KLHL3: variants seen among roughly 807,000 people sequenced by gnomAD.
KLHL3 encodes kelch like family member 3, also known as kelch-like protein 3.
A neutral mutation model predicts 70.5 loss-of-function variants in KLHL3; 19 were observed. That is an observed-to-expected ratio of 0.27 (90% CI 0.19 to 0.40). The LOEUF (loss-of-function observed/expected upper bound fraction) is 0.40. KLHL3 is among the 10% of genes least tolerant of loss of function. The probability of loss-of-function intolerance (pLI) is 1.00; values close to 1 mark genes in which losing one functional copy is unlikely to be tolerated. For synonymous variants in KLHL3, 258 were observed against 290.3 expected (o/e 0.89, Z 1.13); for missense variants, 512 against 771.1 (o/e 0.66, Z 3.98).
Position 137,637,298 on chromosome 5 carries a change from C to T in KLHL3, c.1317G>A (p.Val439=). 1 of 1,614,046 alleles carries T rather than the reference C, an allele frequency of 6.2e-7. No homozygotes were observed. The highest frequency in any genetic ancestry group is 1.1e-5 in the South Asian group (1 of 91,074). Residue 439 remains valine, a synonymous_variant, in exon 11 of 15, where the codon GTG becomes GTA. Transcript: ENST00000309755. ...TRRSSVGVGV[V]EGKLYAVGGY... ...TGGCCACTGCCGCCTCCTTACCCTC[C>T]ACAACGCCCACACCCACACTGCTCC...
intron 14 of KLHL3, among the ~76,000 whole-genome samples, chr5:137,622,668 T>C (rs1320415102): frequency 6.6e-6 from 1 of 152,204 alleles, no homozygotes; most frequent in Non-Finnish European, 1.5e-5. Context: ...CCCACACAAA[T>C]GTCATCTAAG....
chr5:137,712,021 G>A (rs1315241680), intron 2 of KLHL3, among the ~76,000 whole-genome samples: 3 of 151,466 alleles, frequency 2.0e-5, no homozygotes, highest in African/African-American at 7.3e-5. Context: ...AGCCCGGTGT[G>A]GTGGCAGATG....
rs1753250627 is a variant in KLHL3, at chr5:137,735,720, C to T, written c.-74G>A. Reference sequence around the variant, plus strand: ...GGGGATCCTAGTTCTGTTCTTGATTCTCCCAGCAGACCAGTGGGAAATCTG... The same window carrying T: ...GGGGATCCTAGTTCTGTTCTTGATTTTCCCAGCAGACCAGTGGGAAATCTG... On this transcript the variant is annotated 5_prime_UTR_variant, in exon 1 of 15. Coordinates refer to ENST00000309755, the MANE Select transcript of KLHL3 (RefSeq NM_017415.3). 2 of 1,610,236 alleles carry T rather than the reference C, an allele frequency of 1.2e-6. No individual in the cohort carries two copies. The highest frequency in any genetic ancestry group is 1.7e-5 in the Admixed American group (1 of 60,008).
intron 5 of KLHL3, 126 bp downstream of exon 5, chr5:137,692,159 T>A: frequency 1.3e-6 from 1 of 787,124 alleles, no homozygotes; most frequent in South Asian, 1.9e-5. Flanking sequence ...TCCACCTGTA[T>A]CCCTAACTAA....
chr5:137,643,697 T>C (rs1182171437), intron 8 of KLHL3, among the ~76,000 whole-genome samples: 1 of 152,214 alleles, frequency 6.6e-6, no homozygotes, highest in African/African-American at 2.4e-5. Context: ...GTAATCAGCA[T>C]ACCCACCATC....
chr5:137,664,792 C>T (rs112149509), intron 6 of KLHL3, among the ~76,000 whole-genome samples: 6,028 of 151,780 alleles, frequency 0.04, 160 homozygotes, highest in Non-Finnish European at 0.061. Context: ...CACTCCAGCC[C>T]GGGCAACACA....
At chr5:137,642,936 G>T (rs1433252317) in intron 8 of KLHL3, among the ~76,000 whole-genome samples, 1 of 151,740 alleles carries the variant, frequency 6.6e-6, no homozygotes, top group African/African-American at 2.4e-5. Flanking sequence ...CACCAGGGAA[G>T]TAGAGGGTAC....
intron 1 of KLHL3, among the ~76,000 whole-genome samples, chr5:137,725,894 C>A (rs1160553086): frequency 1.3e-5 from 2 of 152,222 alleles, no homozygotes; most frequent in Non-Finnish European, 2.9e-5. Flanking sequence ...CAGATACCCA[C>A]TGACCCCATT....
chr5:137,686,418 C>T (rs78841488), intron 5 of KLHL3, among the ~76,000 whole-genome samples: 4 of 152,228 alleles, frequency 2.6e-5, no homozygotes, highest in Non-Finnish European at 4.4e-5. Context: ...GGATAGGATG[C>T]GCTACTCCCA....
rs886229392 is a variant in KLHL3 at position 137,735,920 on chromosome 5, C to T, written c.-274G>A. 3.8e-6 allele frequency: 2 copies of T among 520,982 alleles called. No individual in the cohort carries two copies. Among genetic ancestry groups the T allele is most frequent in the Non-Finnish European group, 7.0e-6 (2 of 284,786 alleles). 32.3% of individuals were successfully genotyped at this position (520,982 alleles called of 1,614,324 possible). Reference sequence around the variant, plus strand: ...TAAAAGCAGCAACCCACTTGCTCCCCCTCCCCCGCAGGCTTGCTGCTCCTT... The same window carrying T: ...TAAAAGCAGCAACCCACTTGCTCCCTCTCCCCCGCAGGCTTGCTGCTCCTT... On this transcript the variant is annotated 5_prime_UTR_variant, in exon 1 of 15. Coordinates refer to ENST00000309755, the MANE Select transcript of KLHL3 (RefSeq NM_017415.3).
intron 5 of KLHL3, among the ~76,000 whole-genome samples, chr5:137,690,972 AT>A (rs1366142728): frequency 6.6e-6 from 1 of 152,226 alleles, no homozygotes; most frequent in East Asian, 1.9e-4. Context: ...TTTCCTAGTC[AT>A]TCACCATCTT....
chr5:137,685,799 C>G (rs1752148308), intron 5 of KLHL3, among the ~76,000 whole-genome samples: 1 of 152,140 alleles, frequency 6.6e-6, no homozygotes, highest in African/African-American at 2.4e-5. Flanking sequence ...GTAGCTGGGA[C>G]TATAGGCACC....
At chr5:137,692,041 G>A (rs191367687) in intron 5 of KLHL3, among the ~76,000 whole-genome samples, 2 of 152,286 alleles carry the variant, frequency 1.3e-5, no homozygotes, top group Admixed American at 1.3e-4. Flanking sequence ...AAATCTTCTT[G>A]GATCTCCTTC....
chr5:137,649,437 A>G (rs1400607547), intron 8 of KLHL3, among the ~76,000 whole-genome samples: 1 of 152,228 alleles, frequency 6.6e-6, no homozygotes, highest in Non-Finnish European at 1.5e-5. Flanking sequence ...GGCAAGAAAC[A>G]GGCCTGCCAG....
chr5:137,626,865 G>A (rs140233587), intron 13 of KLHL3, among the ~76,000 whole-genome samples: 11 of 152,178 alleles, frequency 7.2e-5, no homozygotes, highest in Non-Finnish European at 1.3e-4. Flanking sequence ...TTAGCCAGGC[G>A]TGATGGCGCA....
chr5:137,700,497 G>C (rs1752544500), intron 3 of KLHL3, among the ~76,000 whole-genome samples: 1 of 152,106 alleles, frequency 6.6e-6, no homozygotes, highest in Admixed American at 6.5e-5. Context: ...TTGTAACTTT[G>C]GGGTAAATAA....
chr5:137,706,134 T>C (rs991575379), intron 3 of KLHL3: 30 of 985,288 alleles, frequency 3.0e-5, no homozygotes, highest in Non-Finnish European at 3.4e-5. Context: ...CTCAGGACAT[T>C]TGGGCAACAT....
At chr5:137,659,766 T>C (rs1751428196) in intron 7 of KLHL3, among the ~76,000 whole-genome samples, 1 of 152,198 alleles carries the variant, frequency 6.6e-6, no homozygotes, top group Admixed American at 6.5e-5. Flanking sequence ...TTTATAGTAA[T>C]GGTTGTACTG....
intron 7 of KLHL3, among the ~76,000 whole-genome samples, chr5:137,659,846 A>T (rs11242394): frequency 0.98 from 149,300 of 152,318 alleles, 73,257 homozygotes; most frequent in East Asian, 1. Context: ...TTATGTAATA[A>T]ACATTTTATC....
Sources: gnomAD v4.1 joint callset for allele counts (sites outside exome capture counted in the v4.1 genomes callset) on GRCh38, gnomAD v4.1.1 for gene constraint, MANE v1.5 for transcripts, NCBI Gene and HGNC (gene_info 2026-07-23, HGNC 2026-07-21) for gene names.